Variants in FERRY3 observed in about 807,000 individuals in gnomAD.
FERRY3 encodes FERRY endosomal RAB5 effector complex subunit 3.
the FERRY3 span, among the ~76,000 whole-genome samples, chr12:4,515,938 A>G: frequency 6.6e-5 from 10 of 152,192 alleles, no homozygotes; most frequent in African/African-American, 2.2e-4. Flanking sequence ...ATCTTTAATT[A>G]TCAAATACAT....
At chr12:4,516,828 G>A in the FERRY3 span, among the ~76,000 whole-genome samples, 2 of 151,898 alleles carry the variant, frequency 1.3e-5, no homozygotes, top group Admixed American at 1.3e-4. Flanking sequence ...ACAAACCTGC[G>A]CATCCTGTAC....
chr12:4,493,975 C>A, the FERRY3 span, among the ~76,000 whole-genome samples: 1 of 152,142 alleles, frequency 6.6e-6, no homozygotes, highest in Non-Finnish European at 1.5e-5. Flanking sequence ...CGCCTGTAAT[C>A]CCAGCTACTT....
chr12:4,526,394 C>A, the FERRY3 span, among the ~76,000 whole-genome samples: 3 of 152,060 alleles, frequency 2.0e-5, no homozygotes, highest in African/African-American at 7.2e-5. Flanking sequence ...AATAAGTTCA[C>A]TTAAAAAATT....
the FERRY3 span, among the ~76,000 whole-genome samples, chr12:4,493,338 C>A: frequency 7.9e-5 from 12 of 152,148 alleles, no homozygotes; most frequent in Admixed American, 6.5e-4. Flanking sequence ...TTTACAATGC[C>A]TTCTATAATA....
chr12:4,489,815 T>C, the FERRY3 span: 2 of 1,600,448 alleles, frequency 1.2e-6, no homozygotes, highest in Admixed American at 1.7e-5. Flanking sequence ...GTTTAGTGCT[T>C]GGATGTCAGA....
chr12:4,533,626 GAA>G, the FERRY3 span, among the ~76,000 whole-genome samples: 2 of 152,100 alleles, frequency 1.3e-5, no homozygotes, highest in African/African-American at 4.8e-5. Flanking sequence ...TAGACTTTAT[GAA>G]ACAGGGTATA....
the FERRY3 span, chr12:4,508,776 G>GTA: frequency 1.3e-4 from 19 of 151,910 alleles, no homozygotes; most frequent in African/African-American, 4.6e-4. Context: ...AAAATACTGT[G>GTA]TATGCATTCA....
the FERRY3 span, chr12:4,490,712 T>C: frequency 2.8e-6 from 2 of 707,372 alleles, no homozygotes; most frequent in Non-Finnish European, 4.7e-6. Context: ...AGGTAGCCAT[T>C]TGCTCGTAGG....
At chr12:4,528,306 T>C in the FERRY3 span, among the ~76,000 whole-genome samples, 2 of 152,178 alleles carry the variant, frequency 1.3e-5, no homozygotes, top group Admixed American at 6.5e-5. Flanking sequence ...AATTAATTAG[T>C]ATTAGGTAAT....
At chr12:4,529,304 A>G in the FERRY3 span, among the ~76,000 whole-genome samples, 4 of 152,150 alleles carry the variant, frequency 2.6e-5, no homozygotes, top group Non-Finnish European at 4.4e-5. Context: ...TACTAGTGTT[A>G]TTATTTTTTT....
chr12:4,525,378 A>G, the FERRY3 span: 1 of 1,612,984 alleles, frequency 6.2e-7, no homozygotes, highest in Non-Finnish European at 8.5e-7. Context: ...TCTAGGTCCT[A>G]AAAGAAACAG....
the FERRY3 span, among the ~76,000 whole-genome samples, chr12:4,513,633 A>G: frequency 6.6e-6 from 1 of 152,190 alleles, no homozygotes; most frequent in Admixed American, 6.5e-5. Flanking sequence ...GAGAAAAACA[A>G]GCAATGGGGA....
the FERRY3 span, among the ~76,000 whole-genome samples, chr12:4,496,621 T>A: frequency 6.6e-6 from 1 of 152,174 alleles, no homozygotes; most frequent in South Asian, 2.1e-4. Flanking sequence ...GAAATTGAAA[T>A]CTCAGTTCTG....
At chr12:4,500,097 T>G in the FERRY3 span, 1 of 1,545,228 alleles carries the variant, frequency 6.5e-7, no homozygotes, top group African/African-American at 1.4e-5. Flanking sequence ...ATATTATGAT[T>G]ATGTAAATCA....
At chr12:4,490,629 G>A in the FERRY3 span, 1 of 1,533,528 alleles carries the variant, frequency 6.5e-7, no homozygotes, top group South Asian at 1.1e-5. Flanking sequence ...GACAAGTTCT[G>A]GCCTTCAAAC....
the FERRY3 span, among the ~76,000 whole-genome samples, chr12:4,505,570 G>T: frequency 1.3e-5 from 2 of 152,182 alleles, no homozygotes; most frequent in African/African-American, 2.4e-5. Context: ...CACAGCCCTG[G>T]GAGGTAAGTC....
chr12:4,532,698 T>A, the FERRY3 span, among the ~76,000 whole-genome samples: 5 of 152,298 alleles, frequency 3.3e-5, no homozygotes, highest in African/African-American at 1.2e-4. Context: ...CTCCACTTCA[T>A]AAGTTTCTCA....
At chr12:4,500,504 A>G in the FERRY3 span, among the ~76,000 whole-genome samples, 59 of 152,288 alleles carry the variant, frequency 3.9e-4, no homozygotes, top group South Asian at 6.0e-3. Context: ...CTGCTCTTCA[A>G]TTCTCAGAGA....
At chr12:4,518,974 A>C in the FERRY3 span, 4 of 770,734 alleles carry the variant, frequency 5.2e-6, no homozygotes, top group Non-Finnish European at 7.7e-6. Context: ...AACAGCTGAA[A>C]GTCTTGCTTA....
Sources: allele counts gnomAD v4.1 joint callset (sites outside exome capture counted in the v4.1 genomes callset), GRCh38; gene constraint gnomAD v4.1.1; transcripts MANE v1.5; gene names NCBI Gene and HGNC (gene_info 2026-07-23, HGNC 2026-07-21).